The following NHSL2 variants were observed in gnomAD, a reference collection of about 807,000 sequenced individuals.
NHSL2 encodes NHS like 2.
In NHSL2, 27 loss-of-function variants were observed where a neutral mutation model predicts 53.4. That is an observed-to-expected ratio of 0.51 (90% CI 0.37 to 0.70). The LOEUF is 0.70. Ranked by LOEUF, NHSL2 falls within the 30% of genes least tolerant of loss-of-function variation. The probability of loss-of-function intolerance (pLI) is 0.00; values close to 1 mark genes in which losing one functional copy is unlikely to be tolerated. For synonymous variants in NHSL2, 408 were observed against 404.1 expected, an observed-to-expected ratio of 1.01 and a Z score of -0.12; for missense variants, 892 against 980.1, an observed-to-expected ratio of 0.91 and a Z score of 1.20.
intron 1 of NHSL2, among the ~76,000 whole-genome samples, chrX:72,097,567 C>A (rs749169678): frequency 7.1e-5 from 8 of 112,134 alleles, no homozygotes; most frequent in Non-Finnish European, 1.1e-4. Context: ...TTTTCCCACA[C>A]CACTTGTCCC....
chrX:72,136,002 C>A (rs1047803117), intron 4 of NHSL2, among the ~76,000 whole-genome samples: 1 of 111,872 alleles, frequency 8.9e-6, no homozygotes, highest in African/African-American at 3.3e-5. Context: ...CACCACTGCA[C>A]TCCAGCCTGG....
At chrX:72,141,985 C>T (rs1032474939) in intron 6 of NHSL2, among the ~76,000 whole-genome samples, 2 of 111,562 alleles carry the variant, frequency 1.8e-5, no homozygotes, top group African/African-American at 6.5e-5. Context: ...ATGCTCGGGC[C>T]ACCTGTTATA....
At chrX:72,020,819 A>C (rs933068939) in intron 1 of NHSL2, among the ~76,000 whole-genome samples, 2 of 112,640 alleles carry the variant, frequency 1.8e-5, no homozygotes, top group Non-Finnish European at 3.8e-5. Flanking sequence ...TCTCTAGATG[A>C]TGGTTTGTAT....
intron 1 of NHSL2, among the ~76,000 whole-genome samples, chrX:71,912,298 G>A (rs958962482): frequency 1.8e-5 from 2 of 112,365 alleles, no homozygotes; most frequent in African/African-American, 6.5e-5. Context: ...TGGGACTTCT[G>A]CTGAAAGCAA....
chrX:71,924,689 C>G (rs1476402011), intron 1 of NHSL2, among the ~76,000 whole-genome samples: 1 of 112,308 alleles, frequency 8.9e-6, no homozygotes, highest in Non-Finnish European at 1.9e-5. Flanking sequence ...AGAGTTCCTT[C>G]TAGCTCAAGG....
At chrX:71,928,805 G>T (rs915186108) in intron 1 of NHSL2, among the ~76,000 whole-genome samples, 2 of 111,307 alleles carry the variant, frequency 1.8e-5, no homozygotes, top group East Asian at 2.8e-4. Flanking sequence ...GGAAACTAAG[G>T]CCCGGAGAAA....
intron 1 of NHSL2, among the ~76,000 whole-genome samples, chrX:72,082,896 G>A (rs765150504): frequency 2.1e-4 from 23 of 112,089 alleles, no homozygotes; most frequent in African/African-American, 7.1e-4. Context: ...CCCACATTCT[G>A]TACTCCAGCC....
At chrX:72,098,881 T>G (rs751414457) in intron 1 of NHSL2, among the ~76,000 whole-genome samples, 1 of 112,084 alleles carries the variant, frequency 8.9e-6, no homozygotes, top group Non-Finnish European at 1.9e-5. Context: ...TAACAGTTAC[T>G]TGTGTGTCCT....
At chrX:72,112,793 G>A (rs1439246866) in intron 1 of NHSL2, among the ~76,000 whole-genome samples, 1 of 111,138 alleles carries the variant, frequency 9.0e-6, no homozygotes, top group African/African-American at 3.3e-5. Flanking sequence ...GGGTTCAAGC[G>A]ATTCTCCTGC....
chrX:71,965,550 T>C (rs1017163901), intron 1 of NHSL2, among the ~76,000 whole-genome samples: 4 of 112,097 alleles, frequency 3.6e-5, no homozygotes, highest in African/African-American at 1.3e-4. Flanking sequence ...GTGTAAGTCC[T>C]TCAACTCTTC....
intron 1 of NHSL2, among the ~76,000 whole-genome samples, chrX:71,934,408 A>G (rs957421148): frequency 8.9e-6 from 1 of 111,913 alleles, no homozygotes; most frequent in Non-Finnish European, 1.9e-5. Flanking sequence ...GCACGTGGAT[A>G]GGCTAAGTTA....
Position 72,058,967 on chromosome X carries a change from T to A in NHSL2, c.281-73112T>A, listed in dbSNP as rs1471408624. On this transcript the variant is annotated intron_variant, in intron 1 of 7. Coordinates refer to ENST00000633930, the MANE Select transcript of NHSL2 (RefSeq NM_001013627.3). ...TCCCTGTTCTTCCCATTCTCCCCACTCAGACTGGACCATCTCACCTGCTTT... is the reference window on the plus strand; with the variant it reads ...TCCCTGTTCTTCCCATTCTCCCCACACAGACTGGACCATCTCACCTGCTTT... Among the ~76,000 whole-genome samples, 3 of 111,707 alleles carry A rather than the reference T, an allele frequency of 2.7e-5. No individual in the cohort carries two copies. The East Asian group carries it at 8.5e-4, about 32-fold the overall frequency.
chrX:72,028,493 A>G (rs1446430996), intron 1 of NHSL2, among the ~76,000 whole-genome samples: 2 of 112,185 alleles, frequency 1.8e-5, no homozygotes, highest in Non-Finnish European at 3.8e-5. Flanking sequence ...CACTGGTGTC[A>G]GGGAACCAGC....
At chrX:71,976,281 G>T (rs776262658) in intron 1 of NHSL2, among the ~76,000 whole-genome samples, 1 of 112,326 alleles carries the variant, frequency 8.9e-6, no homozygotes, top group Non-Finnish European at 1.9e-5. Flanking sequence ...TCTTGGGCAA[G>T]TTAGTTCACC....
In NHSL2 at chrX:72,056,012, G is replaced by GA. The variant is rs201577284; in HGVS notation, c.281-76060dup. ...TTGCTTTTTTTGTAATGGCAAAATAGAAAAAAATCGTGTAAATAACCATGG... is the reference window on the plus strand; with the variant it reads ...TTGCTTTTTTTGTAATGGCAAAATAGAAAAAAAATCGTGTAAATAACCATGG... On this transcript the variant is annotated intron_variant, in intron 1 of 7. Transcript: ENST00000633930. Among the ~76,000 whole-genome samples the GA allele has an allele frequency of 7.5e-3, 839 of 111,708 alleles. 8 individuals are homozygous for GA. Among genetic ancestry groups the GA allele is most frequent in the African/African-American group, 0.026 (797 of 30,722 alleles).
chrX:72,044,185 C>T (rs1030693841), intron 1 of NHSL2, among the ~76,000 whole-genome samples: 1 of 111,772 alleles, frequency 8.9e-6, no homozygotes, highest in African/African-American at 3.3e-5. Context: ...GTGGGCAAAG[C>T]GAGTGCAAAT....
intron 1 of NHSL2, among the ~76,000 whole-genome samples, chrX:72,051,943 G>A (rs758479219): frequency 8.9e-6 from 1 of 111,889 alleles, no homozygotes; most frequent in African/African-American, 3.2e-5. Flanking sequence ...ATAACTCCAG[G>A]CAGAGTCCCC....
rs777436514 is a variant in NHSL2 at position 72,061,345 on chromosome X, C to T, written c.281-70734C>T. Among the ~76,000 whole-genome samples the T allele has an allele frequency of 2.7e-5, 3 of 112,615 alleles. No homozygotes were observed. In the South Asian group the frequency reaches 1.1e-3, roughly 41 times the overall value. On this transcript the variant is annotated intron_variant, in intron 1 of 7. Transcript: ENST00000633930. ...GGCAGACCTGGGTGAATCCTGCTTTCATCACTTACAAGCTGTGTGATCTTT... is the reference window on the plus strand; with the variant it reads ...GGCAGACCTGGGTGAATCCTGCTTTTATCACTTACAAGCTGTGTGATCTTT...
chrX:71,935,569 C>T (rs1352046554), intron 1 of NHSL2, among the ~76,000 whole-genome samples: 12 of 112,812 alleles, frequency 1.1e-4, no homozygotes, highest in Non-Finnish European at 1.5e-4. Context: ...TGGTTGGTTC[C>T]AGGCGGAGTC....
Sources: gnomAD v4.1 joint callset for allele counts (sites outside exome capture counted in the v4.1 genomes callset) on GRCh38, gnomAD v4.1.1 for gene constraint, MANE v1.5 for transcripts, NCBI Gene and HGNC (gene_info 2026-07-23, HGNC 2026-07-21) for gene names.